The following EOGT variants were observed in gnomAD, a reference collection of about 807,000 sequenced individuals.
EOGT encodes the protein EGF domain-specific O-linked N-acetylglucosamine transferase.
A neutral mutation model predicts 70.5 loss-of-function variants in EOGT; 55 were observed. The ratio of observed to expected loss-of-function variants is 0.78; its 90% confidence interval spans 0.63 to 0.98. The LOEUF is 0.98. Among genes scored for constraint, EOGT ranks in the 50% least tolerant of loss-of-function variants. The pLI is 0.00. For missense variants in EOGT, 703 were observed against 641.9 expected (o/e 1.10, Z -1.03); for synonymous variants, 246 against 217.1 (o/e 1.13, Z -1.17).
At chr3:68,987,307 A>C in intron 14 of EOGT, 138 bp downstream of exon 14, 1 of 682,460 alleles carries the variant, frequency 1.5e-6, no homozygotes, top group Non-Finnish European at 2.5e-6. Flanking sequence ...CTAATAAATA[A>C]ACCGGGCATA....
At chr3:68,983,642 T>C (rs1044131151) in intron 14 of EOGT, among the ~76,000 whole-genome samples, 2 of 152,200 alleles carry the variant, frequency 1.3e-5, no homozygotes, top group Admixed American at 6.5e-5. Flanking sequence ...AGAGTGTCGT[T>C]AGGTTTACTT....
intron 13 of EOGT, 35 bp downstream of exon 13, chr3:68,988,260 C>T (rs1237344565): frequency 7.1e-7 from 1 of 1,408,336 alleles, no homozygotes; most frequent in Non-Finnish European, 9.6e-7. Flanking sequence ...GAAGAAAACT[C>T]AAGCCCACCT....
intron 8 of EOGT, among the ~76,000 whole-genome samples, chr3:69,003,383 C>T (rs183522438): frequency 1.6e-4 from 24 of 152,248 alleles, no homozygotes; most frequent in East Asian, 5.8e-4. Flanking sequence ...GGGAGGCACC[C>T]GGTGGGAGGT....
At chr3:68,993,237 T>C (rs2091046874) in intron 10 of EOGT, among the ~76,000 whole-genome samples, 1 of 152,242 alleles carries the variant, frequency 6.6e-6, no homozygotes. Flanking sequence ...TTTGATGCTC[T>C]GTTTCCCTTT....
chr3:68,990,591 T>C (rs931463200), intron 10 of EOGT, among the ~76,000 whole-genome samples: 2 of 152,258 alleles, frequency 1.3e-5, no homozygotes, highest in African/African-American at 4.8e-5. Context: ...TGAGCTCAAG[T>C]GCTCCGCCTA....
At chr3:68,994,056 T>A (rs1292643540) in intron 10 of EOGT, among the ~76,000 whole-genome samples, 1 of 152,128 alleles carries the variant, frequency 6.6e-6, no homozygotes, top group Non-Finnish European at 1.5e-5. Flanking sequence ...CATAACGAGA[T>A]CTTGTCTCTA....
At chr3:68,985,502 C>A (rs2090778891) in intron 14 of EOGT, among the ~76,000 whole-genome samples, 1 of 152,226 alleles carries the variant, frequency 6.6e-6, no homozygotes, top group Non-Finnish European at 1.5e-5. Context: ...CAGTTTGTTT[C>A]CACTTATCTG....
chr3:68,978,263 T>A, intron 17 of EOGT, 70 bp downstream of exon 17: 2 of 1,113,004 alleles, frequency 1.8e-6, no homozygotes, highest in Non-Finnish European at 2.7e-6. Context: ...TAACCATTTT[T>A]CATATCAATA....
intron 3 of EOGT, among the ~76,000 whole-genome samples, chr3:69,010,857 A>T (rs967693919): frequency 6.6e-6 from 1 of 152,198 alleles, no homozygotes; most frequent in Non-Finnish European, 1.5e-5. Context: ...GAGCACAGAC[A>T]ATGTTCCAGG....
rs916358149 is a variant in EOGT, at chr3:68,988,180, A to G, written c.1083+115T>C. The G allele has an allele frequency of 7.3e-5, 56 of 767,070 alleles. No homozygotes were observed. The Middle Eastern group carries it at 1.5e-3, about 21-fold the overall frequency. 47.5% of individuals were successfully genotyped at this position (767,070 alleles called of 1,614,324 possible). Reference sequence around the variant, plus strand: ...TCCACCTGCCTTGGCCTCCCCAGAAAATGTTAACACAAAAACATGGTCTCC... The same window carrying G: ...TCCACCTGCCTTGGCCTCCCCAGAAGATGTTAACACAAAAACATGGTCTCC... On this transcript the variant is annotated intron_variant, in intron 13 of 17. Coordinates refer to ENST00000383701, the MANE Select transcript of EOGT (RefSeq NM_001278689.2).
rs143497155 is a variant in EOGT at position 68,994,802 on chromosome 3, A to T, written c.831+3209T>A. On this transcript the variant is annotated intron_variant, in intron 10 of 17. Transcript: ENST00000383701. ...AAGACTCTGTCTCAAAAACAAACAG[A>T]AAAAAAGTAATCATAAAGCTATACT... Among the ~76,000 whole-genome samples the T allele has an allele frequency of 3.9e-3, 594 of 152,284 alleles. 1 individual carries two copies. The highest frequency in any genetic ancestry group is 6.8e-3 in the Middle Eastern group (2 of 294).
intron 14 of EOGT, among the ~76,000 whole-genome samples, chr3:68,983,188 T>C (rs1356332929): frequency 6.6e-6 from 1 of 152,204 alleles, no homozygotes; most frequent in Admixed American, 6.5e-5. Context: ...CAGAAATAGC[T>C]AACCATTAAC....
intron 3 of EOGT, among the ~76,000 whole-genome samples, 192 bp from the exon 4 acceptor site, chr3:69,010,052 C>T (rs1369582745): frequency 2.6e-5 from 4 of 151,950 alleles, no homozygotes; most frequent in Admixed American, 6.6e-5. Flanking sequence ...TGCCAGGCAC[C>T]ACGTTAGCAA....
intron 10 of EOGT, among the ~76,000 whole-genome samples, chr3:68,992,780 C>T (rs973738139): frequency 2.6e-5 from 4 of 152,232 alleles, no homozygotes; most frequent in African/African-American, 7.2e-5. Flanking sequence ...GGCATCTAGG[C>T]ATTTCCATAC....
At position 68,984,422 on chromosome 3, in the gene EOGT, C is replaced by A. The variant is rs931910055; in HGVS notation, c.1153-1550G>T. On this transcript the variant is annotated intron_variant, in intron 14 of 17. Coordinates refer to ENST00000383701, the MANE Select transcript of EOGT (RefSeq NM_001278689.2). ...ATCATGTGTGCTGACGGTCTCAGGG[C>A]AAGCATGCCCTTTTTCATGACTTCT... is the stretch of plus-strand genomic sequence containing the variant. Among the ~76,000 whole-genome samples the A allele has an allele frequency of 7.9e-5, 12 of 152,146 alleles. 1 individual carries two copies. Among genetic ancestry groups the A allele is most frequent in the Non-Finnish European group, 1.5e-4 (10 of 68,034 alleles).
rs546288341 is a variant in EOGT at position 69,005,924 on chromosome 3, T to A, written c.421-690A>T. On this transcript the variant is annotated intron_variant, in intron 6 of 17. Coordinates refer to ENST00000383701, the MANE Select transcript of EOGT (RefSeq NM_001278689.2). ...TCCCAATGAACACAAAGTCTCAATC[T>A]TGACCTGCATGGTGTTTTGGAGTCT... Among the ~76,000 whole-genome samples the A allele has an allele frequency of 5.3e-5, 8 of 152,370 alleles. 1 individual carries two copies. The highest frequency in any genetic ancestry group is 1.4e-4 in the African/African-American group (6 of 41,592).
intron 17 of EOGT, 119 bp downstream of exon 17, chr3:68,978,214 T>C (rs1220795220): frequency 1.3e-6 from 1 of 746,728 alleles, no homozygotes; most frequent in African/African-American, 1.8e-5. Context: ...CAATTCAGTA[T>C]TCCAGAGAAC....
intron 16 of EOGT, among the ~76,000 whole-genome samples, chr3:68,979,306 TG>T (rs1453789519): frequency 6.6e-6 from 1 of 152,230 alleles, no homozygotes; most frequent in Non-Finnish European, 1.5e-5. Context: ...TTTGAAGCTA[TG>T]TCGTGCATGA....
At chr3:68,985,259 C>A (rs1033516458) in intron 14 of EOGT, among the ~76,000 whole-genome samples, 1 of 152,166 alleles carries the variant, frequency 6.6e-6, no homozygotes, top group Non-Finnish European at 1.5e-5. Context: ...TAAACACACA[C>A]ATACAAACAC....
Sources: gnomAD v4.1 joint callset for allele counts (sites outside exome capture counted in the v4.1 genomes callset) on GRCh38, gnomAD v4.1.1 for gene constraint, MANE v1.5 for transcripts, NCBI Gene and HGNC (gene_info 2026-07-23, HGNC 2026-07-21) for gene names.